Variants in C16orf96 observed in about 807,000 individuals in gnomAD.
C16orf96 encodes the protein uncharacterized protein C16orf96.
In C16orf96, 108 loss-of-function variants were observed where a neutral mutation model predicts 103.6. That is an observed-to-expected ratio of 1.04 (90% CI 0.89 to 1.22). The LOEUF is 1.22. C16orf96 is among the 50% of genes most tolerant of loss of function. The pLI is 0.00. For synonymous variants in C16orf96, 566 were observed against 593.5 expected, an observed-to-expected ratio of 0.95 and a Z score of 0.67; for missense variants, 1,586 against 1,464.2, an observed-to-expected ratio of 1.08 and a Z score of -1.36.
rs371497834 is a variant in C16orf96, at chr16:4,599,352, G to A, written c.3196G>A (p.Ala1066Thr). The A allele has an allele frequency of 1.2e-4, 181 of 1,551,398 alleles. 1 individual carries two copies. Among genetic ancestry groups the A allele is most frequent in the Middle Eastern group, 1.0e-3 (6 of 6,012 alleles). ...TGTGCACTCCAGTGCCCTATTTGGC[G>A]CCATCTGCCCCCGTGAGTACCTGGT... Reference protein sequence around the residue: ...DRVHSSALFGAICPPLCPRSS... With the variant: ...DRVHSSALFGTICPPLCPRSS... The change falls in exon 15 of 16, where the codon GCC (alanine) becomes ACC (threonine). Residue 1066 changes from alanine (A) to threonine (T), a missense_variant. Physicochemically the swap from Ala to Thr is moderately conservative, Grantham distance 58. Coordinates refer to ENST00000444310, the MANE Select transcript of C16orf96 (RefSeq NM_001145011.2).
chr16:4,541,167 C>T, the C16orf96 span, among the ~76,000 whole-genome samples: 1 of 152,322 alleles, frequency 6.6e-6, no homozygotes, highest in Non-Finnish European at 1.5e-5. Context: ...CCGCCTCTGC[C>T]TCCCAAAGTG....
Position 4,594,382 on chromosome 16 carries a change from G to A in C16orf96, c.2899G>A (p.Gly967Ser), listed in dbSNP as rs750173548. Residue 967 changes from glycine to serine, a missense_variant, in exon 13 of 16, where the codon GGT becomes AGT. Gly to Ser is a moderately conservative substitution (Grantham distance 56). Transcript: ENST00000444310. ...EQQWLQLQDL[G>S]IQEDCQQDWG... ...GCAGTGGCTGCAGCTCCAGGACCTC[G>A]GTATCCAGGAGGATTGTCAGCAGGA... is the stretch of plus-strand genomic sequence containing the variant. 2.0e-5 allele frequency: 31 copies of A among 1,549,224 alleles called. No individual in the cohort carries two copies. Among genetic ancestry groups the A allele is most frequent in the African/African-American group, 1.3e-4 (9 of 71,490 alleles).
chr16:4,594,344 G>A lies in C16orf96; in HGVS notation c.2868-7G>A, dbSNP rs768603086. The A allele has an allele frequency of 1.5e-5, 23 of 1,550,460 alleles. No homozygotes were observed. In the African/African-American group the frequency reaches 3.2e-4, roughly 21 times the overall value. ...CAGGTCGCTGCTGACCCACTGCCCT[G>A]CTGCAGGGAACAGCAGTGGCTGCAG... is the stretch of plus-strand genomic sequence containing the variant. On this transcript the variant is annotated splice_region_variant and splice_polypyrimidine_tract_variant and intron_variant, in intron 12 of 15. Coordinates refer to ENST00000444310, the MANE Select transcript of C16orf96 (RefSeq NM_001145011.2).
intron 1 of C16orf96, among the ~76,000 whole-genome samples, chr16:4,567,182 C>A (rs929596612): frequency 1.3e-5 from 2 of 152,002 alleles, no homozygotes; most frequent in African/African-American, 4.8e-5. Flanking sequence ...TAGCTGCATC[C>A]CGTAAGTTCT....
intron 8 of C16orf96, among the ~76,000 whole-genome samples, chr16:4,587,562 A>G (rs889102395): frequency 9.7e-4 from 146 of 151,248 alleles, no homozygotes; most frequent in Non-Finnish European, 1.7e-3. Flanking sequence ...AGAAAGAAAA[A>G]GAAAGAAAAG....
In C16orf96 at chr16:4,575,872, C is replaced by A. The variant is rs1468900302; in HGVS notation, c.1392C>A (p.Pro464=). 1.7e-5 allele frequency: 27 copies of A among 1,551,572 alleles called. No individual in the cohort carries two copies. Among genetic ancestry groups the A allele is most frequent in the Non-Finnish European group, 8.7e-6 (10 of 1,146,998 alleles). Residue 464 remains proline, a synonymous_variant, in exon 5 of 16, where the codon CCC becomes CCA. Transcript: ENST00000444310. The part of the protein sequence containing the change: ...VQVKGEENDV[P]SLRGLRERAR... The stretch of plus-strand genomic sequence containing the variant: ...TAAAGGGGGAGGAAAATGATGTCCC[C>A]AGCCTAAGGGGCCTTCGGGAGAGGG...
chr16:4,594,920 A>G (rs1897140184), intron 14 of C16orf96, 117 bp downstream of exon 14: 2 of 1,119,308 alleles, frequency 1.8e-6, no homozygotes, highest in East Asian at 5.2e-5. Flanking sequence ...GGGAGTCCTC[A>G]CACAGTCAGT....
intron 2 of C16orf96, among the ~76,000 whole-genome samples, chr16:4,571,985 G>T (rs1425837928): frequency 6.6e-6 from 1 of 151,946 alleles, no homozygotes; most frequent in African/African-American, 2.4e-5. Flanking sequence ...GAGTAGCTGG[G>T]ATTACAGGCA....
rs921904525 is a variant in C16orf96, at chr16:4,599,364, C to T, written c.3208C>T (p.Pro1070Ser). Residue 1070 changes from proline to serine, a missense_variant and splice_region_variant, in exon 15 of 16, where the codon CCC becomes TCC. Coordinates refer to ENST00000444310, the MANE Select transcript of C16orf96 (RefSeq NM_001145011.2). The part of the protein sequence containing the change: ...SSALFGAICP[P>S]LCPRSSACSA... The stretch of plus-strand genomic sequence containing the variant: ...TGCCCTATTTGGCGCCATCTGCCCC[C>T]GTGAGTACCTGGTTCCCAGCCCCAG... 5.2e-6 allele frequency: 8 copies of T among 1,551,146 alleles called. No homozygotes were observed. Among genetic ancestry groups the T allele is most frequent in the Non-Finnish European group, 5.2e-6 (6 of 1,146,582 alleles).
the C16orf96 span, among the ~76,000 whole-genome samples, chr16:4,539,473 C>T: frequency 6.6e-6 from 1 of 152,142 alleles, no homozygotes; most frequent in Non-Finnish European, 1.5e-5. Flanking sequence ...CACTTGAGGT[C>T]AGGAGTTTGA....
intron 2 of C16orf96, among the ~76,000 whole-genome samples, chr16:4,573,631 A>G (rs1374696100): frequency 6.6e-6 from 1 of 150,484 alleles, no homozygotes; most frequent in Non-Finnish European, 1.5e-5. Context: ...AGGTACCTGT[A>G]GTCCCAGTTA....
Position 4,575,234 on chromosome 16 carries a change from C to G in C16orf96, c.754C>G (p.Leu252Val), listed in dbSNP as rs975612390. ...TGTAGAGCAGCTCCCAGAGGCTGCC[C>G]TGGCCCAGACCACCAAGTACCTTGA... ...QSVEQLPEAA[L>V]AQTTKYLEAT... Residue 252 changes from leucine (L) to valine (V), a missense_variant, in exon 5 of 16, where the codon CTG (leucine) becomes GTG (valine). Transcript: ENST00000444310. 12 of 1,548,460 alleles carry G rather than the reference C, an allele frequency of 7.7e-6. No individual in the cohort carries two copies. In the African/African-American group the frequency reaches 1.4e-4, roughly 18 times the overall value.
rs1004891014 is a variant in C16orf96 at position 4,590,143 on chromosome 16, G to T, written c.2593-1523G>T. ...TCCGTCTCAAAAAAATACTCCCTCG[G>T]GTGGCACAGTGGCTCACACCTATAA... On this transcript the variant is annotated intron_variant, in intron 9 of 15. Coordinates refer to ENST00000444310, the MANE Select transcript of C16orf96 (RefSeq NM_001145011.2). Among the ~76,000 whole-genome samples, 3 of 150,180 alleles carry T rather than the reference G, an allele frequency of 2.0e-5. No homozygotes were observed. The East Asian group carries it at 6.0e-4, about 30-fold the overall frequency.
chr16:4,589,020 C>T (rs900746213), intron 9 of C16orf96, among the ~76,000 whole-genome samples: 9 of 152,030 alleles, frequency 5.9e-5, no homozygotes, highest in East Asian at 1.9e-4. Flanking sequence ...GACACTTCCC[C>T]GGGGTCTGAC....
the C16orf96 span, among the ~76,000 whole-genome samples, chr16:4,542,058 C>T: frequency 6.6e-6 from 1 of 152,150 alleles, no homozygotes; most frequent in Non-Finnish European, 1.5e-5. Context: ...GAAGGCTGGG[C>T]GACCAGCACA....
chr16:4,588,206 G>C lies in C16orf96; in HGVS notation c.2467G>C (p.Val823Leu), dbSNP rs1021766370. Residue 823 changes from valine (V) to leucine (L), a missense_variant, in exon 9 of 16, where the codon GTT (valine) becomes CTT (leucine). Physicochemically the swap from Val to Leu is conservative, Grantham distance 32 (BLOSUM62 1). Coordinates refer to ENST00000444310, the MANE Select transcript of C16orf96 (RefSeq NM_001145011.2). ...RSALAGKASR[V>L]DLETVALELN... ...TGCCCTGGCAGGCAAGGCAAGCCGCGTTGACCTGGAGACTGTGGCCTTGGA... is the reference window on the plus strand; with the variant it reads ...TGCCCTGGCAGGCAAGGCAAGCCGCCTTGACCTGGAGACTGTGGCCTTGGA... 1 of 1,551,454 alleles carries C rather than the reference G, an allele frequency of 6.4e-7. No individual in the cohort carries two copies. The highest frequency in any genetic ancestry group is 1.4e-5 in the African/African-American group (1 of 73,012).
chr16:4,593,872 C>T lies in C16orf96; in HGVS notation c.2868-479C>T, dbSNP rs867013035. Among the ~76,000 whole-genome samples the T allele has an allele frequency of 2.0e-5, 3 of 152,146 alleles. No homozygotes were observed. The highest frequency in any genetic ancestry group is 2.1e-4 in the South Asian group (1 of 4,828). Reference sequence around the variant, plus strand: ...GATGTCCAAACCCTCAGGTTTCCACCGCACCCAGCTGGCTCCCTGGGTGCC... The same window carrying T: ...GATGTCCAAACCCTCAGGTTTCCACTGCACCCAGCTGGCTCCCTGGGTGCC... On this transcript the variant is annotated intron_variant, in intron 12 of 15. Coordinates refer to ENST00000444310, the MANE Select transcript of C16orf96 (RefSeq NM_001145011.2). This position sits in a 1 kb window ranked among gnomAD's most constrained non-coding sequence, Gnocchi z 4.2.
intron 7 of C16orf96, among the ~76,000 whole-genome samples, chr16:4,583,173 G>A (rs578171612): frequency 3.3e-5 from 5 of 152,018 alleles, no homozygotes; most frequent in Non-Finnish European, 7.4e-5. Context: ...GGGAGGCAGA[G>A]GTTGCAGTGA....
upstream of C16orf96, among the ~76,000 whole-genome samples, chr16:4,553,012 T>G (rs1343560601): frequency 2.6e-5 from 4 of 152,198 alleles, no homozygotes; most frequent in African/African-American, 9.7e-5. Context: ...GGATCTGTGT[T>G]CTGATACTAG....
Sources: gnomAD v4.1 joint callset for allele counts (sites outside exome capture counted in the v4.1 genomes callset) on GRCh38, gnomAD v4.1.1 for gene constraint, Gnocchi (gnomAD v3.1) non-coding constraint, MANE v1.5 for transcripts, NCBI Gene and HGNC (gene_info 2026-07-23, HGNC 2026-07-21) for gene names.